The following KIAA1671 variants were observed in gnomAD, a reference collection of about 807,000 sequenced individuals.
KIAA1671 encodes the protein KIAA1671.
A neutral mutation model predicts 131.2 loss-of-function variants in KIAA1671; 52 were observed. That is an observed-to-expected ratio of 0.40 (90% CI 0.32 to 0.50). The LOEUF is 0.50. Among genes scored for constraint, KIAA1671 ranks in the 20% least tolerant of loss-of-function variants. The pLI, the probability that KIAA1671 is intolerant of heterozygous loss-of-function variation, is 0.73. For missense variants in KIAA1671, 2,360 were observed against 2,364.2 expected (o/e 1.00, Z 0.04); for synonymous variants, 1,003 against 961.6 (o/e 1.04, Z -0.80).
chr22:25,165,900 A>G (rs1364351055), intron 6 of KIAA1671, among the ~76,000 whole-genome samples: 1 of 151,890 alleles, frequency 6.6e-6, no homozygotes, highest in African/African-American at 2.4e-5. Context: ...GAGGAGGGGT[A>G]TGGGAGGAGG....
chr22:25,023,889 G>T (rs1925800057), intron 1 of KIAA1671: 1 of 151,460 alleles, frequency 6.6e-6, no homozygotes, highest in African/African-American at 2.4e-5. Flanking sequence ...AGGTTGCAGT[G>T]AGCTGAGATC....
intron 9 of KIAA1671, 78 bp from the exon 10 acceptor site, chr22:25,181,621 G>A (rs1463048197): frequency 9.2e-6 from 14 of 1,514,972 alleles, no homozygotes; most frequent in Non-Finnish European, 1.2e-5. Flanking sequence ...ATGAGATACT[G>A]TGTGCAAATT....
At chr22:24,998,649 C>T (rs1381432674) in intron 1 of KIAA1671, among the ~76,000 whole-genome samples, 1 of 144,182 alleles carries the variant, frequency 6.9e-6, no homozygotes, top group Non-Finnish European at 1.5e-5. Flanking sequence ...ACCCAGGAGG[C>T]GGAGCTTGCA....
At chr22:25,070,238 G>C (rs1928743066) in intron 6 of KIAA1671, 1 of 401,820 alleles carries the variant, frequency 2.5e-6, no homozygotes, top group Non-Finnish European at 4.5e-6. Flanking sequence ...CTGGCCGTGA[G>C]CCGGCTTCTG....
intron 6 of KIAA1671, among the ~76,000 whole-genome samples, chr22:25,117,992 G>A (rs907191488): frequency 5.3e-5 from 8 of 151,838 alleles, no homozygotes; most frequent in African/African-American, 1.9e-4. Context: ...TACAAAATTA[G>A]CCCAGTGTGG....
chr22:25,041,461 G>T lies in KIAA1671; in HGVS notation c.4331G>T (p.Gly1444Val). The change falls in exon 5 of 13, where the codon GGA becomes GTA. Residue 1444 changes from glycine (G) to valine (V), a missense_variant. Gly to Val is a moderately radical substitution (Grantham distance 109). Transcript: ENST00000358431. ...CCCAAAGGGAGGCCCAGCCTTACTG[G>T]AGAGAATTTGGAGGCCAAAATGGGA... ...EQPKGRPSLTGENLEAKMGPC... is the reference protein window; with the variant it reads ...EQPKGRPSLTVENLEAKMGPC... The T allele has an allele frequency of 6.4e-7, 1 of 1,551,674 alleles. No individual in the cohort carries two copies. The highest frequency in any genetic ancestry group is 8.7e-7 in the Non-Finnish European group (1 of 1,147,006).
At chr22:24,980,750 A>AT (rs879290838) in intron 1 of KIAA1671, among the ~76,000 whole-genome samples, 84 of 147,512 alleles carry the variant, frequency 5.7e-4, no homozygotes, top group South Asian at 1.1e-3. Context: ...TGTTATTATT[A>AT]TTTTTTTTTT....
Position 25,028,399 on chromosome 22 carries a change from G to T in KIAA1671, c.400G>T (p.Ala134Ser). Residue 134 changes from alanine to serine, a missense_variant, in exon 3 of 13, where the codon GCT (alanine) becomes TCT (serine). Around this residue, in one of 3 missense-constraint regions of KIAA1671, gnomAD observed 1,185 missense variants for 1,126.2 expected, o/e 1.05. Coordinates refer to ENST00000358431, the MANE Select transcript of KIAA1671 (RefSeq NM_001145206.2). ...PRTSSPLFNK[A>S]VFLRPSSSTM... is the part of the protein sequence containing the mutation. ...GACGAGCTCGCCCCTCTTCAACAAG[G>T]CTGTGTTCCTGCGGCCCAGCTCCAG... 6.4e-7 allele frequency: 1 copy of T among 1,551,104 alleles called. No homozygotes were observed. Among genetic ancestry groups the T allele is most frequent in the South Asian group, 1.2e-5 (1 of 84,012 alleles).
chr22:25,147,416 C>T (rs934820931), intron 6 of KIAA1671, among the ~76,000 whole-genome samples: 2 of 152,058 alleles, frequency 1.3e-5, no homozygotes, highest in Admixed American at 1.3e-4. Flanking sequence ...TGGTATCAAA[C>T]TCTCAACCTC....
At chr22:24,996,203 A>AG (rs1924125985) in intron 1 of KIAA1671, among the ~76,000 whole-genome samples, 1 of 150,850 alleles carries the variant, frequency 6.6e-6, no homozygotes, top group African/African-American at 2.4e-5. Context: ...GTGATAGAGC[A>AG]GGGTGTCTCG....
intron 11 of KIAA1671, among the ~76,000 whole-genome samples, chr22:25,188,917 G>A (rs1479756274): frequency 2.0e-5 from 3 of 152,174 alleles, no homozygotes; most frequent in East Asian, 3.9e-4. Context: ...TTGTTCAAGG[G>A]TCAGCTGTAT....
At chr22:25,116,385 A>G (rs571987895) in intron 6 of KIAA1671, among the ~76,000 whole-genome samples, 1 of 52,106 alleles carries the variant, frequency 1.9e-5, no homozygotes, top group African/African-American at 6.0e-5. Context: ...CTCCACCAGT[A>G]TGTATGTATG....
At chr22:25,171,274 C>T (rs1933839449) in intron 7 of KIAA1671, among the ~76,000 whole-genome samples, 1 of 151,894 alleles carries the variant, frequency 6.6e-6, no homozygotes, top group Non-Finnish European at 1.5e-5. Flanking sequence ...GCAGCGTACC[C>T]CTGTAATCCC....
At chr22:24,980,528 C>G (rs534055599) in intron 1 of KIAA1671, among the ~76,000 whole-genome samples, 1 of 151,944 alleles carries the variant, frequency 6.6e-6, no homozygotes, top group African/African-American at 2.4e-5. Context: ...CCTTGGCCTC[C>G]CATAGTGCTA....
chr22:25,162,901 T>G (rs2145996798), intron 6 of KIAA1671, among the ~76,000 whole-genome samples: 1 of 152,374 alleles, frequency 6.6e-6, no homozygotes, highest in African/African-American at 2.4e-5. Flanking sequence ...AAAAGTTTGC[T>G]AAACTCTGGT....
At chr22:25,144,889 A>G (rs1932854315) in intron 6 of KIAA1671, among the ~76,000 whole-genome samples, 1 of 150,022 alleles carries the variant, frequency 6.7e-6, no homozygotes, top group Admixed American at 6.7e-5. Flanking sequence ...CTCTGGTGTG[A>G]CTGGATATTA....
intron 5 of KIAA1671, among the ~76,000 whole-genome samples, chr22:25,042,472 T>TG (rs1926988741): frequency 6.8e-6 from 1 of 146,846 alleles, no homozygotes; most frequent in Non-Finnish European, 1.5e-5. Context: ...TGTTTTTTTT[T>TG]TTTTTTTTTT....
chr22:25,122,848 G>A (rs5760865), intron 6 of KIAA1671, among the ~76,000 whole-genome samples: 15,242 of 152,056 alleles, frequency 0.1, 843 homozygotes, highest in East Asian at 0.16. Context: ...GATGGTGGGC[G>A]CCTGTAGTCC....
intron 6 of KIAA1671, among the ~76,000 whole-genome samples, chr22:25,170,184 A>T (rs978356634): frequency 6.6e-6 from 1 of 152,122 alleles, no homozygotes. Context: ...AAGTACTGGG[A>T]TTACAAGAGT....
Sources: allele counts gnomAD v4.1 joint callset (sites outside exome capture counted in the v4.1 genomes callset), GRCh38; gene constraint gnomAD v4.1.1; regional missense constraint gnomAD v4.1.1; transcripts MANE v1.5; gene names NCBI Gene and HGNC (gene_info 2026-07-23, HGNC 2026-07-21).